The following TENM2 variants were observed in gnomAD, a reference collection of about 807,000 sequenced individuals.
The protein encoded by TENM2 is teneurin transmembrane protein 2.
A neutral mutation model predicts 245.2 loss-of-function variants in TENM2; 52 were observed. The observed-to-expected ratio is 0.21, with a 90% CI of 0.17 to 0.27. TENM2 has a LOEUF of 0.27. Ranked by LOEUF, TENM2 falls within the 10% of genes least tolerant of loss-of-function variation. The pLI is 1.00. For missense variants in TENM2, 3,046 were observed against 3,666.8 expected (o/e 0.83, Z 4.37); for synonymous variants, 1,363 against 1,438.9 (o/e 0.95, Z 1.19).
intron 1 of TENM2, among the ~76,000 whole-genome samples, chr5:167,354,292 G>A (rs1469963669): frequency 6.6e-6 from 1 of 152,196 alleles, no homozygotes; most frequent in African/African-American, 2.4e-5. Flanking sequence ...TTGTGCTCAT[G>A]GCTCACTGAT....
At chr5:167,377,610 C>T (rs1760842531) in intron 2 of TENM2, among the ~76,000 whole-genome samples, 1 of 152,130 alleles carries the variant, frequency 6.6e-6, no homozygotes, top group South Asian at 2.1e-4. Context: ...TTTTACACAT[C>T]ACATCATAAA....
chr5:168,100,649 C>A (rs1269584512), intron 9 of TENM2, among the ~76,000 whole-genome samples: 1 of 152,136 alleles, frequency 6.6e-6, no homozygotes, highest in African/African-American at 2.4e-5. Context: ...AAACCAAACA[C>A]TGCATGTTCT....
the TENM2 span, among the ~76,000 whole-genome samples, chr5:167,256,279 C>G: frequency 2.0e-5 from 3 of 152,114 alleles, no homozygotes; most frequent in Admixed American, 6.6e-5. Context: ...GTTTAGCAAC[C>G]CTTGACAATG....
intron 5 of TENM2, among the ~76,000 whole-genome samples, chr5:168,046,841 A>G (rs1367900221): frequency 6.6e-6 from 1 of 152,208 alleles, no homozygotes; most frequent in Non-Finnish European, 1.5e-5. Flanking sequence ...AGGAGTGGAA[A>G]GGAAAAATAT....
intron 23 of TENM2, among the ~76,000 whole-genome samples, chr5:168,225,855 G>A (rs890417349): frequency 1.3e-5 from 2 of 152,150 alleles, no homozygotes; most frequent in Admixed American, 1.3e-4. Context: ...CTGAGACCAG[G>A]TGAAATGTTT....
intron 6 of TENM2, among the ~76,000 whole-genome samples, chr5:168,048,525 G>A (rs1788809577): frequency 6.6e-6 from 1 of 152,176 alleles, no homozygotes; most frequent in Non-Finnish European, 1.5e-5. Context: ...AACTTTAAAG[G>A]AAGGAAAAAT....
chr5:168,189,391 A>G (rs1007146313), intron 13 of TENM2, among the ~76,000 whole-genome samples: 2 of 152,186 alleles, frequency 1.3e-5, no homozygotes, highest in African/African-American at 4.8e-5. Flanking sequence ...GACAGTCTCC[A>G]TGGTTCTTTG....
At chr5:167,468,730 C>T (rs1766824457) in intron 2 of TENM2, among the ~76,000 whole-genome samples, 1 of 152,178 alleles carries the variant, frequency 6.6e-6, no homozygotes, top group African/African-American at 2.4e-5. Flanking sequence ...CTCTCTTAGA[C>T]AATTTATAAG....
chr5:167,046,163 C>T, the TENM2 span, among the ~76,000 whole-genome samples: 1 of 152,078 alleles, frequency 6.6e-6, no homozygotes, highest in African/African-American at 2.4e-5. Context: ...GGTTACCTTC[C>T]AAATCACAGT....
Position 167,945,666 on chromosome 5 carries a change from T to A in TENM2, c.713-6922T>A, listed in dbSNP as rs1561965795. Among the ~76,000 whole-genome samples, 3 of 152,326 alleles carry A rather than the reference T, an allele frequency of 2.0e-5. No individual in the cohort carries two copies. In the South Asian group the frequency reaches 6.2e-4, roughly 32 times the overall value. ...AATTCCCGTGTTCCGCTATGCAGTG[T>A]TGATCTGTGCGTCATTGCGAATGCA... On this transcript the variant is annotated intron_variant, in intron 3 of 28. Transcript: ENST00000518659.
the TENM2 span, among the ~76,000 whole-genome samples, chr5:167,056,162 T>A: frequency 2.6e-5 from 4 of 152,046 alleles, no homozygotes; most frequent in Non-Finnish European, 5.9e-5. Context: ...TTTATTGATA[T>A]GACTAAGTGA....
At chr5:167,233,123 A>G in the TENM2 span, among the ~76,000 whole-genome samples, 1 of 152,286 alleles carries the variant, frequency 6.6e-6, no homozygotes, top group East Asian at 1.9e-4. Flanking sequence ...GAGGGAGATC[A>G]TTACTATGAG....
intron 2 of TENM2, among the ~76,000 whole-genome samples, chr5:167,741,129 C>T (rs1290186498): frequency 1.3e-5 from 2 of 152,186 alleles, no homozygotes; most frequent in Admixed American, 1.3e-4. Flanking sequence ...AAAGCCTTCC[C>T]TGAAGTTAAG....
chr5:168,197,958 C>T (rs868812106), intron 15 of TENM2, among the ~76,000 whole-genome samples: 4 of 152,148 alleles, frequency 2.6e-5, no homozygotes, highest in East Asian at 1.9e-4. Context: ...TGTGTCCTAA[C>T]GTAGTATCGT....
intron 2 of TENM2, among the ~76,000 whole-genome samples, chr5:167,801,109 A>AATATATAT (rs869282464): frequency 7.4e-4 from 49 of 66,532 alleles, no homozygotes; most frequent in Non-Finnish European, 9.9e-4. Flanking sequence ...AAAAAAAAAA[A>AATATATAT]ATATATATAT....
At chr5:167,042,097 T>C in the TENM2 span, among the ~76,000 whole-genome samples, 1 of 152,204 alleles carries the variant, frequency 6.6e-6, no homozygotes, top group African/African-American at 2.4e-5. Flanking sequence ...TTAATTTCCT[T>C]GATCAAAGGG....
chr5:167,180,536 G>A, the TENM2 span, among the ~76,000 whole-genome samples: 1 of 152,018 alleles, frequency 6.6e-6, no homozygotes, highest in South Asian at 2.1e-4. Flanking sequence ...AACAATACAG[G>A]GGTTAGTGTC....
chr5:167,922,929 A>G (rs191780253), intron 3 of TENM2, among the ~76,000 whole-genome samples: 1 of 152,394 alleles, frequency 6.6e-6, no homozygotes, highest in East Asian at 1.9e-4. Context: ...AGGAGACAGT[A>G]GAATGGCTTA....
chr5:167,176,944 C>T, the TENM2 span, among the ~76,000 whole-genome samples: 7 of 152,250 alleles, frequency 4.6e-5, no homozygotes, highest in South Asian at 1.2e-3. Flanking sequence ...GGTACATTGA[C>T]CTGAGAATTT....
Sources: allele counts gnomAD v4.1 joint callset (sites outside exome capture counted in the v4.1 genomes callset), GRCh38; gene constraint gnomAD v4.1.1; transcripts MANE v1.5; gene names NCBI Gene and HGNC (gene_info 2026-07-23, HGNC 2026-07-21).